Variants in SPATA21 observed in about 807,000 individuals in gnomAD.
The protein encoded by SPATA21 is spermatogenesis associated 21.
A neutral mutation model predicts 54.8 loss-of-function variants in SPATA21; 47 were observed. The observed-to-expected ratio is 0.86, with a 90% CI of 0.68 to 1.09. The LOEUF (loss-of-function observed/expected upper bound fraction) is 1.09. Among genes scored for constraint, SPATA21 ranks in the 50% least tolerant of loss-of-function variants. SPATA21 has a pLI of 0.00. For missense variants in SPATA21, 599 were observed against 596.4 expected (o/e 1.00, Z -0.05); for synonymous variants, 245 against 235.3 (o/e 1.04, Z -0.38).
rs1553166390 is a variant in SPATA21, at chr1:16,426,580, T to TATATA, written c.35-4610_35-4609insTATAT. On this transcript the variant is annotated intron_variant, in intron 3 of 12. Transcript: ENST00000335496. ...GGCTATATATATATATATATATATATTTTTTTTTTTTTTTTTTGAGACAGA... is the reference window on the plus strand; with the variant it reads ...GGCTATATATATATATATATATATATATATATTTTTTTTTTTTTTTTTGAGACAGA... Among the ~76,000 whole-genome samples, 137 of 77,962 alleles carry TATATA rather than the reference T, an allele frequency of 1.8e-3. No homozygotes were observed. The East Asian group carries it at 0.047, about 27-fold the overall frequency. 51.1% of individuals were successfully genotyped at this position (77,962 alleles called of 152,430 possible). A position where few individuals can be genotyped will look rare whatever the true frequency, so the allele number is the denominator to read the frequency against.
chr1:16,422,314 G>T, intron 3 of SPATA21: 1 of 911,298 alleles, frequency 1.1e-6, no homozygotes, highest in Non-Finnish European at 1.4e-6. Flanking sequence ...AGCACTTCAG[G>T]CATCATCTTA....
chr1:16,413,801 G>C (rs758748542), intron 5 of SPATA21, among the ~76,000 whole-genome samples: 2 of 151,778 alleles, frequency 1.3e-5, no homozygotes, highest in Non-Finnish European at 2.9e-5. Flanking sequence ...TTAGTAGAGA[G>C]AGGGTTTCGC....
Position 16,421,839 on chromosome 1 carries a change from T to C in SPATA21, c.95+72A>G, listed in dbSNP as rs1451220669. ...AGGTCAGGAGCAGTCTGGACTAGAATTCACCCCACCTGAAACTCAGCAGAA... is the reference window on the plus strand; with the variant it reads ...AGGTCAGGAGCAGTCTGGACTAGAACTCACCCCACCTGAAACTCAGCAGAA... On this transcript the variant is annotated intron_variant, in intron 4 of 12. Transcript: ENST00000335496. This position sits in a 1 kb window ranked among gnomAD's most constrained non-coding sequence, Gnocchi z 5.2. 6 of 1,610,112 alleles carry C rather than the reference T, an allele frequency of 3.7e-6. No homozygotes were observed. The highest frequency in any genetic ancestry group is 3.4e-6 in the Non-Finnish European group (4 of 1,176,762).
rs368028887 is a variant in SPATA21 at position 16,429,324 on chromosome 1, G to T, written c.34+2014C>A. 1.6e-3 allele frequency among the ~76,000 whole-genome samples: 245 copies of T among 150,304 alleles called. 1 individual carries two copies. Among genetic ancestry groups the T allele is most frequent in the African/African-American group, 4.1e-3 (167 of 40,924 alleles). On this transcript the variant is annotated intron_variant, in intron 3 of 12. Coordinates refer to ENST00000335496, the MANE Select transcript of SPATA21 (RefSeq NM_198546.1). ...GGCTTTGTTTTTTTTTTGAGACGGG[G>T]TCTCACGATGTTGCCCAGGCTGGTC...
rs552910707 is a variant in SPATA21 at position 16,425,360 on chromosome 1, A to G, written c.35-3389T>C. The G allele has an allele frequency of 2.1e-5, 15 of 723,166 alleles. No homozygotes were observed. In the Admixed American group the frequency reaches 2.9e-4, roughly 14 times the overall value. The allele number at this position is 723,166 out of a possible 1,614,324, so 44.8% of individuals were successfully genotyped here. ...CAGTGGCCTGAACATAGCTCATTGT[A>G]GCCTTGACCTCCTGGGCTCAAGGGA... is the stretch of plus-strand genomic sequence containing the variant. On this transcript the variant is annotated intron_variant, in intron 3 of 12. Transcript: ENST00000335496.
intron 7 of SPATA21, among the ~76,000 whole-genome samples, chr1:16,406,684 G>A (rs887378082): frequency 2.0e-5 from 3 of 152,222 alleles, no homozygotes; most frequent in African/African-American, 7.2e-5. Context: ...GGAGGCTGCA[G>A]TGAGGTAGGA....
chr1:16,405,111 G>T lies in SPATA21; in HGVS notation c.674-7C>A. ...TCAAAGTAGCTGCGGAAGGCTGTGG[G>T]GAGGGCAGGGTTATGTGGAGTGGGG... is the stretch of plus-strand genomic sequence containing the variant. On this transcript the variant is annotated splice_polypyrimidine_tract_variant and splice_region_variant and intron_variant, in intron 7 of 12. Coordinates refer to ENST00000335496, the MANE Select transcript of SPATA21 (RefSeq NM_198546.1). 1 of 1,608,162 alleles carries T rather than the reference G, an allele frequency of 6.2e-7. No individual in the cohort carries two copies. Among genetic ancestry groups the T allele is most frequent in the Non-Finnish European group, 8.5e-7 (1 of 1,177,704 alleles).
chr1:16,402,387 G>C (rs1374903389), intron 10 of SPATA21, among the ~76,000 whole-genome samples: 1 of 145,870 alleles, frequency 6.9e-6, no homozygotes, highest in East Asian at 2.1e-4. Flanking sequence ...TCAGCCTCCC[G>C]AGTAGCTGGG....
chr1:16,416,180 C>T (rs938065214), intron 5 of SPATA21, among the ~76,000 whole-genome samples: 6 of 152,222 alleles, frequency 3.9e-5, no homozygotes, highest in Non-Finnish European at 8.8e-5. Context: ...ACAGGGGTGC[C>T]TAGTGCCCAG....
intron 5 of SPATA21, among the ~76,000 whole-genome samples, chr1:16,415,308 A>G (rs1436182775): frequency 6.6e-6 from 1 of 151,864 alleles, no homozygotes; most frequent in African/African-American, 2.4e-5. Flanking sequence ...ACTGCACTCT[A>G]GCACTCTGGG....
At chr1:16,430,134 A>AT (rs1456343140) in intron 3 of SPATA21, among the ~76,000 whole-genome samples, 41 of 149,992 alleles carry the variant, frequency 2.7e-4, no homozygotes, top group Non-Finnish European at 5.9e-4. Context: ...AAAAAAAAAA[A>AT]AAAAAAGAAG....
chr1:16,399,399 C>G lies in SPATA21; in HGVS notation c.1297G>C (p.Gly433Arg). 5 of 1,613,926 alleles carry G rather than the reference C, an allele frequency of 3.1e-6. No homozygotes were observed. The highest frequency in any genetic ancestry group is 4.2e-6 in the Non-Finnish European group (5 of 1,179,974). ...GGGCTGCGGATGTCAGGATCCAGGC[C>G]AGGGGGTGTGCACTGGTCTAGTGCA... ...HYALDQCTPP[G>R]LDPDIRSPFF... The change falls in exon 12 of 13, where the codon GGC becomes CGC. Residue 433 changes from glycine (G) to arginine (R), a missense_variant. Transcript: ENST00000335496.
chr1:16,425,780 G>GTTTTTTT, intron 3 of SPATA21: 1 of 1,498,306 alleles, frequency 6.7e-7, no homozygotes, highest in South Asian at 1.2e-5. Context: ...CTGGGGCACT[G>GTTTTTTT]TTTTATATAT....
At chr1:16,436,670 G>T (rs2086593080) in intron 1 of SPATA21, among the ~76,000 whole-genome samples, 1 of 151,954 alleles carries the variant, frequency 6.6e-6, no homozygotes, top group Non-Finnish European at 1.5e-5. Flanking sequence ...GGAGGCTGAG[G>T]CAGGAGAATC....
Position 16,429,870 on chromosome 1 carries a change from T to C in SPATA21, c.34+1468A>G, listed in dbSNP as rs141027529. On this transcript the variant is annotated intron_variant, in intron 3 of 12. Coordinates refer to ENST00000335496, the MANE Select transcript of SPATA21 (RefSeq NM_198546.1). ...CTTCAGTTCATGCTACTTGGCACAT[T>C]CAAAAAGAGGCCAGTGGGGCGCAGT... 2.0e-3 allele frequency among the ~76,000 whole-genome samples: 295 copies of C among 149,998 alleles called. 1 individual carries two copies. The highest frequency in any genetic ancestry group is 6.7e-3 in the African/African-American group (276 of 40,996).
intron 3 of SPATA21, among the ~76,000 whole-genome samples, chr1:16,427,071 A>G (rs922518818): frequency 6.6e-6 from 1 of 152,182 alleles, no homozygotes; most frequent in South Asian, 2.1e-4. Flanking sequence ...ATTTAAGATA[A>G]TGTGACAGTG....
At chr1:16,408,591 G>T in intron 7 of SPATA21, 1 of 950,946 alleles carries the variant, frequency 1.1e-6, no homozygotes, top group Non-Finnish European at 1.3e-6. Context: ...CCTAGCACGA[G>T]GCTGGGCGCG....
At position 16,414,050 on chromosome 1, in the gene SPATA21, G is replaced by T. The variant is rs114476965; in HGVS notation, c.145-4007C>A. On this transcript the variant is annotated intron_variant, in intron 5 of 12. Coordinates refer to ENST00000335496, the MANE Select transcript of SPATA21 (RefSeq NM_198546.1). The stretch of plus-strand genomic sequence containing the variant: ...TTGTTTATAGCAGTCGTCCTGATGA[G>T]TGTGAGCCTAGAGTTCTTTTTTTTT... 4.7e-3 allele frequency among the ~76,000 whole-genome samples: 716 copies of T among 151,894 alleles called. 3 individuals carry two copies. Among genetic ancestry groups the T allele is most frequent in the African/African-American group, 0.016 (680 of 41,426 alleles).
At chr1:16,432,596 C>T (rs1347070841) in intron 2 of SPATA21, among the ~76,000 whole-genome samples, 194 bp downstream of exon 2, 1 of 152,128 alleles carries the variant, frequency 6.6e-6, no homozygotes, top group Non-Finnish European at 1.5e-5. Context: ...CCGATAGCCC[C>T]CAACCCATCC....
Sources: gnomAD v4.1 joint callset for allele counts (sites outside exome capture counted in the v4.1 genomes callset) on GRCh38, gnomAD v4.1.1 for gene constraint, Gnocchi (gnomAD v3.1) non-coding constraint, MANE v1.5 for transcripts, NCBI Gene and HGNC (gene_info 2026-07-23, HGNC 2026-07-21) for gene names.